The following WDR7 variants were observed in gnomAD, a reference collection of about 807,000 sequenced individuals.
The protein encoded by WDR7 is WD repeat-containing protein 7.
WDR7 carries 46 observed loss-of-function variants against 169.4 expected under a neutral mutation model. The ratio of observed to expected loss-of-function variants is 0.27; its 90% confidence interval spans 0.21 to 0.35. The LOEUF is 0.35. Ranked by LOEUF, WDR7 falls within the 10% of genes least tolerant of loss-of-function variation. WDR7 has a pLI of 1.00. For synonymous variants in WDR7, 612 were observed against 666.8 expected, an observed-to-expected ratio of 0.92 and a Z score of 1.27; for missense variants, 1,534 against 1,859.3, an observed-to-expected ratio of 0.83 and a Z score of 3.22.
In WDR7 at chr18:56,991,251, A is replaced by G. The variant is rs544437193; in HGVS notation, c.4164+28722A>G. 1.8e-4 allele frequency among the ~76,000 whole-genome samples: 26 copies of G among 146,172 alleles called. No individual in the cohort carries two copies. The South Asian group carries it at 5.1e-3, about 29-fold the overall frequency. On this transcript the variant is annotated intron_variant, in intron 26 of 27. Transcript: ENST00000254442. ...AAGCTCCGCCTCCTGGGTTCATGCC[A>G]TTCTCCTGCCTCAGCCTCCCGAGTA... is the stretch of plus-strand genomic sequence containing the variant.
intron 20 of WDR7, among the ~76,000 whole-genome samples, chr18:56,877,785 T>C (rs927533162): frequency 1.3e-5 from 2 of 152,106 alleles, no homozygotes; most frequent in Admixed American, 6.6e-5. Context: ...ATAATAGATA[T>C]AAAATTTGAT....
intron 26 of WDR7, among the ~76,000 whole-genome samples, chr18:57,011,335 G>A (rs918466808): frequency 6.7e-6 from 1 of 149,864 alleles, no homozygotes; most frequent in African/African-American, 2.5e-5. Flanking sequence ...TTTAGTAACT[G>A]AAAATGAGCA....
At chr18:56,736,729 T>C (rs1287360735) in intron 14 of WDR7, among the ~76,000 whole-genome samples, 2 of 152,008 alleles carry the variant, frequency 1.3e-5, no homozygotes, top group Non-Finnish European at 2.9e-5. Flanking sequence ...GAAATCAGGG[T>C]ACAGTGAGCT....
chr18:56,890,219 C>T (rs1050413697), intron 21 of WDR7, among the ~76,000 whole-genome samples: 2 of 152,100 alleles, frequency 1.3e-5, no homozygotes, highest in Admixed American at 6.5e-5. Context: ...AAATGGAAGC[C>T]TCAATTCTGC....
intron 20 of WDR7, among the ~76,000 whole-genome samples, chr18:56,846,850 G>A (rs2045576056): frequency 6.6e-6 from 1 of 150,468 alleles, no homozygotes; most frequent in African/African-American, 2.4e-5. Context: ...GCAGAGCCAT[G>A]AGCCAAATTA....
chr18:56,844,651 C>T (rs1186033444), intron 20 of WDR7, among the ~76,000 whole-genome samples: 1 of 152,222 alleles, frequency 6.6e-6, no homozygotes, highest in Non-Finnish European at 1.5e-5. Flanking sequence ...AGAAACCTTA[C>T]ATTCAACAAG....
chr18:56,917,203 A>C (rs2145621448), intron 21 of WDR7, among the ~76,000 whole-genome samples: 1 of 152,114 alleles, frequency 6.6e-6, no homozygotes, highest in East Asian at 1.9e-4. Context: ...TCTCAAAAAA[A>C]AAAAATTCCG....
At chr18:56,901,765 T>C (rs1241112806) in intron 21 of WDR7, among the ~76,000 whole-genome samples, 1 of 152,130 alleles carries the variant, frequency 6.6e-6, no homozygotes, top group Non-Finnish European at 1.5e-5. Context: ...TCAGTCCCAG[T>C]GGTCATTACA....
At position 56,691,226 on chromosome 18, in the gene WDR7, C is replaced by T. The variant is rs139803157; in HGVS notation, c.728C>T (p.Ala243Val). 3 of 1,605,860 alleles carry T rather than the reference C, an allele frequency of 1.9e-6. No homozygotes were observed. The highest frequency in any genetic ancestry group is 1.3e-5 in the African/African-American group (1 of 74,196). The change falls in exon 8 of 28, where the codon GCC becomes GTC. Residue 243 changes from alanine to valine, a missense_variant. Coordinates refer to ENST00000254442, the MANE Select transcript of WDR7 (RefSeq NM_015285.3). ...VCSKYWRVFD[A>V]GDYSLLCSGP... Reference sequence around the variant, plus strand: ...CTTTCTTCCTTGCAGGTGTTCGATGCCGGAGACTATTCCTTGTTGTGTTCA... The same window carrying T: ...CTTTCTTCCTTGCAGGTGTTCGATGTCGGAGACTATTCCTTGTTGTGTTCA...
At chr18:56,699,881 A>G in intron 12 of WDR7, 6 of 985,414 alleles carry the variant, frequency 6.1e-6, no homozygotes, top group Non-Finnish European at 7.2e-6. Context: ...GACAGACTCC[A>G]GACCCCCTTT....
intron 26 of WDR7, chr18:57,009,800 A>C: frequency 1.0e-6 from 1 of 953,562 alleles, no homozygotes; most frequent in Non-Finnish European, 1.2e-6. Context: ...TAAATTCCCT[A>C]GCTTTATAAT....
intron 13 of WDR7, among the ~76,000 whole-genome samples, chr18:56,728,034 T>C (rs1401929230): frequency 2.0e-5 from 3 of 152,252 alleles, no homozygotes; most frequent in Non-Finnish European, 4.4e-5. Flanking sequence ...CCAGTCGTTT[T>C]ATAAAATGTT....
In WDR7 at chr18:57,015,297, C is replaced by T. The variant is rs374124719; in HGVS notation, c.4165-5448C>T. Reference sequence around the variant, plus strand: ...TTAAATTGGACTTGAACCTTCTAATCGGCCATAGATGAGATTATCTGTTTT... The same window carrying T: ...TTAAATTGGACTTGAACCTTCTAATTGGCCATAGATGAGATTATCTGTTTT... On this transcript the variant is annotated intron_variant, in intron 26 of 27. Transcript: ENST00000254442. Among the ~76,000 whole-genome samples the T allele has an allele frequency of 1.9e-3, 285 of 152,268 alleles. 2 individuals carry two copies. Among genetic ancestry groups the T allele is most frequent in the African/African-American group, 6.5e-3 (272 of 41,542 alleles).
At chr18:56,916,791 T>C (rs1482263190) in intron 21 of WDR7, among the ~76,000 whole-genome samples, 2 of 152,140 alleles carry the variant, frequency 1.3e-5, no homozygotes, top group Non-Finnish European at 2.9e-5. Flanking sequence ...AAAATAATTG[T>C]AGTGATTAAA....
rs190805306 is a variant in WDR7 at position 56,830,244 on chromosome 18, G to A, written c.3304+14100G>A. On this transcript the variant is annotated intron_variant, in intron 20 of 27. Transcript: ENST00000254442. ...TGATGTTTTGGTGTAAAATGTATACGATTCATCATAAAATGACATTTATAC... is the reference window on the plus strand; with the variant it reads ...TGATGTTTTGGTGTAAAATGTATACAATTCATCATAAAATGACATTTATAC... Among the ~76,000 whole-genome samples the A allele has an allele frequency of 2.0e-5, 3 of 152,194 alleles. No individual in the cohort carries two copies. In the East Asian group the frequency reaches 5.8e-4, roughly 29 times the overall value.
At chr18:56,900,298 A>C (rs76672413) in intron 21 of WDR7, among the ~76,000 whole-genome samples, 1,852 of 152,174 alleles carry the variant, frequency 0.012, 45 homozygotes, top group African/African-American at 0.04. Flanking sequence ...TATTAAAGCT[A>C]TGTAGTAGTC....
chr18:56,836,106 T>G (rs1599086667), intron 20 of WDR7, among the ~76,000 whole-genome samples: 1 of 152,240 alleles, frequency 6.6e-6, no homozygotes, highest in Admixed American at 6.5e-5. Flanking sequence ...AAAGTAGTCA[T>G]GTAAACTATT....
chr18:56,807,609 T>C (rs1004149091), intron 19 of WDR7, among the ~76,000 whole-genome samples: 10 of 152,082 alleles, frequency 6.6e-5, no homozygotes, highest in Non-Finnish European at 7.4e-5. Flanking sequence ...TATTTTTCAG[T>C]AAATGTTTCC....
intron 17 of WDR7, among the ~76,000 whole-genome samples, chr18:56,777,473 C>G (rs117801458): frequency 0.013 from 2,002 of 152,204 alleles, 17 homozygotes; most frequent in East Asian, 0.031. Context: ...TGTGGAGTTA[C>G]ACAAGTCGAA....
Sources: allele counts gnomAD v4.1 joint callset (sites outside exome capture counted in the v4.1 genomes callset), GRCh38; gene constraint gnomAD v4.1.1; transcripts MANE v1.5; gene names NCBI Gene and HGNC (gene_info 2026-07-23, HGNC 2026-07-21).